Variants in ELAVL1 observed in about 807,000 individuals in gnomAD.
ELAVL1 encodes the protein ELAV-like protein 1.
ELAVL1 carries 1 observed loss-of-function variant against 28.4 expected under a neutral mutation model. The observed-to-expected ratio is 0.04, with a 90% CI of 0.01 to 0.17. The LOEUF is 0.17. ELAVL1 is among the 10% of genes least tolerant of loss of function. The pLI, the probability that ELAVL1 is intolerant of heterozygous loss-of-function variation, is 1.00. For synonymous variants in ELAVL1, 174 were observed against 183.5 expected, an observed-to-expected ratio of 0.95 and a Z score of 0.42; for missense variants, 157 against 447.2, an observed-to-expected ratio of 0.35 and a Z score of 5.85.
At position 7,963,794 on chromosome 19, in the gene ELAVL1, C is replaced by T; in HGVS notation, c.670G>A (p.Gly224Ser). Residue 224 changes from glycine (G) to serine (S), a missense_variant, in exon 6 of 6, where the codon GGC becomes AGC. Around this residue, in one of 4 missense-constraint regions of ELAVL1, gnomAD observed 107 missense variants for 310.4 expected, o/e 0.34. Coordinates refer to ENST00000407627, the MANE Select transcript of ELAVL1 (RefSeq NM_001419.3). The surrounding 1 kb of genome is among the most constrained non-coding windows in gnomAD (Gnocchi z 4.5). ...GAGAGCCCGCTCATGTGATCGACGC[C>T]CATGGGGGAGAACCTGGCAGACAGA... The part of the protein sequence containing the change: ...QAQRFRFSPM[G>S]VDHMSGLSGV... 1 of 1,613,622 alleles carries T rather than the reference C, an allele frequency of 6.2e-7. No homozygotes were observed. Among genetic ancestry groups the T allele is most frequent in the Non-Finnish European group, 8.5e-7 (1 of 1,179,542 alleles).
rs1476581430 is a variant in ELAVL1 at position 7,959,753 on chromosome 19, C to T, written c.*3730G>A. On this transcript the variant is annotated 3_prime_UTR_variant, in exon 6 of 6. Coordinates refer to ENST00000407627, the MANE Select transcript of ELAVL1 (RefSeq NM_001419.3). ...GCCACTTAAAAGAAAGCACTTGTGA[C>T]TTCAGGGCTGTCTTGCGAAGTTTGG... 3 of 152,188 alleles carry T rather than the reference C, an allele frequency of 2.0e-5. No homozygotes were observed. The East Asian group carries it at 5.8e-4, about 29-fold the overall frequency. The allele number at this position is 152,188 out of a possible 1,614,324, so 9.4% of individuals were successfully genotyped here.
At chr19:7,978,325 T>G (rs1464507487) in intron 3 of ELAVL1, among the ~76,000 whole-genome samples, 2 of 152,084 alleles carry the variant, frequency 1.3e-5, no homozygotes, top group Non-Finnish European at 2.9e-5. Context: ...AGACCAAGCA[T>G]GTGACTAGAC....
At chr19:7,983,448 C>T (rs1327958504) in intron 2 of ELAVL1, among the ~76,000 whole-genome samples, 1 of 152,198 alleles carries the variant, frequency 6.6e-6, no homozygotes, top group African/African-American at 2.4e-5. Flanking sequence ...ACTCACTGGA[C>T]ACCACGGGAG....
rs1273893213 is a variant in ELAVL1, at chr19:7,959,611, G to C, written c.*3872C>G. 1 of 152,148 alleles carries C rather than the reference G, an allele frequency of 6.6e-6. No individual in the cohort carries two copies. Among genetic ancestry groups the C allele is most frequent in the Non-Finnish European group, 1.5e-5 (1 of 68,024 alleles). The allele number at this position is 152,148 out of a possible 1,614,324, so 9.4% of individuals were successfully genotyped here. Reference sequence around the variant, plus strand: ...TGAACGATGTCACTGAAAGGTTGTAGAAAAATAGGATCCAGCCATTAGAGG... The same window carrying C: ...TGAACGATGTCACTGAAAGGTTGTACAAAAATAGGATCCAGCCATTAGAGG... On this transcript the variant is annotated 3_prime_UTR_variant, in exon 6 of 6. Transcript: ENST00000407627.
chr19:7,961,552 T>C lies in ELAVL1; in HGVS notation c.*1931A>G, dbSNP rs1984810241. ...CTCTCGGGCAACAGAGCAGGGACCC[T>C]CTTTTGTGTCGAATCCGGGCAATGG... On this transcript the variant is annotated 3_prime_UTR_variant, in exon 6 of 6. Transcript: ENST00000407627. 1.3e-5 allele frequency: 2 copies of C among 152,366 alleles called. No homozygotes were observed. The highest frequency in any genetic ancestry group is 1.9e-4 in the East Asian group (1 of 5,180). The allele number at this position is 152,366 out of a possible 1,614,324, so 9.4% of individuals were successfully genotyped here.
intron 2 of ELAVL1, among the ~76,000 whole-genome samples, chr19:7,989,760 T>C (rs1227985841): frequency 6.6e-6 from 1 of 152,218 alleles, no homozygotes; most frequent in Non-Finnish European, 1.5e-5. Flanking sequence ...GTTTGTATAC[T>C]GTGTAAAATC....
intron 1 of ELAVL1, among the ~76,000 whole-genome samples, chr19:8,000,210 C>T (rs758682252): frequency 3.3e-5 from 5 of 152,182 alleles, no homozygotes; most frequent in South Asian, 2.1e-4. Context: ...TGAGAGTCAC[C>T]GTCGGTGCCT....
At chr19:7,984,045 C>A (rs1985535590) in intron 2 of ELAVL1, among the ~76,000 whole-genome samples, 1 of 152,128 alleles carries the variant, frequency 6.6e-6, no homozygotes, top group Non-Finnish European at 1.5e-5. Context: ...TGAGGACCCA[C>A]CTTTGGCCCT....
At chr19:7,988,635 C>T (rs373940720) in intron 2 of ELAVL1, among the ~76,000 whole-genome samples, 1 of 152,154 alleles carries the variant, frequency 6.6e-6, no homozygotes, top group Non-Finnish European at 1.5e-5. Context: ...GGAGACTCTG[C>T]CTCCCAGGGG....
intron 4 of ELAVL1, chr19:7,973,485 C>T (rs1985181845): frequency 1.8e-6 from 1 of 541,768 alleles, no homozygotes; most frequent in Non-Finnish European, 3.2e-6. Flanking sequence ...CCACCTTGGC[C>T]TCCCAAAGTG....
intron 2 of ELAVL1, among the ~76,000 whole-genome samples, chr19:7,986,581 C>A (rs116643054): frequency 1.3e-5 from 2 of 152,132 alleles, no homozygotes; most frequent in Non-Finnish European, 2.9e-5. Context: ...AGCGAGTTAG[C>A]GACAGGGACC....
Position 7,973,792 on chromosome 19 carries a change from G to T in ELAVL1, c.363C>A (p.Asp121Glu). 1 of 1,614,096 alleles carries T rather than the reference G, an allele frequency of 6.2e-7. No homozygotes were observed. The highest frequency in any genetic ancestry group is 8.5e-7 in the Non-Finnish European group (1 of 1,180,018). The change falls in exon 4 of 6, where the codon GAC becomes GAA. Residue 121 changes from aspartate to glutamate, a missense_variant. Physicochemically the swap from Asp to Glu is conservative, Grantham distance 45 (BLOSUM62 2). This residue lies in a region of ELAVL1 where 107 missense variants were observed against 310.4 expected (regional missense o/e 0.34). Transcript: ENST00000407627. ...CAAACCGAGAGAACATGTCTTCTAC[G>T]TCCTTCTGGGTCATGGTCCGCGGGA... ...SGLPRTMTQK[D>E]VEDMFSRFGR...
At chr19:7,969,798 T>C (rs1183235372) in intron 4 of ELAVL1, among the ~76,000 whole-genome samples, 2 of 151,944 alleles carry the variant, frequency 1.3e-5, no homozygotes, top group East Asian at 3.9e-4. Flanking sequence ...TCTGGGGTTG[T>C]AGAGTGGCTT....
intron 2 of ELAVL1, among the ~76,000 whole-genome samples, chr19:7,984,890 G>A (rs1214862932): frequency 6.6e-6 from 1 of 152,184 alleles, no homozygotes; most frequent in African/African-American, 2.4e-5. Context: ...CTGCCCAGGC[G>A]ACACCCCCAA....
chr19:7,988,245 G>C (rs1204826479), intron 2 of ELAVL1, among the ~76,000 whole-genome samples: 1 of 152,166 alleles, frequency 6.6e-6, no homozygotes, highest in African/African-American at 2.4e-5. Context: ...GGGAGAGTCA[G>C]GTCAGTTAGG....
At chr19:7,977,955 C>T (rs545500812) in intron 3 of ELAVL1, among the ~76,000 whole-genome samples, 2 of 152,380 alleles carry the variant, frequency 1.3e-5, no homozygotes, top group South Asian at 4.1e-4. Context: ...CCCTCATCTC[C>T]ACCCTGGTCT....
At chr19:7,999,368 C>T (rs2081059820) in intron 1 of ELAVL1, among the ~76,000 whole-genome samples, 1 of 152,050 alleles carries the variant, frequency 6.6e-6, no homozygotes, top group African/African-American at 2.4e-5. Context: ...GTGAGACTGT[C>T]TCAAAAAAAT....
At chr19:7,976,401 CAA>C (rs879778388) in intron 3 of ELAVL1, among the ~76,000 whole-genome samples, 3 of 132,802 alleles carry the variant, frequency 2.3e-5, no homozygotes, top group East Asian at 2.1e-4. Context: ...GACTCCATCT[CAA>C]AAAAAAAAAA....
rs957025186 is a variant in ELAVL1, at chr19:7,959,989, A to C, written c.*3494T>G. ...GGAAGGCTGCGAAAAGCACATGGAA[A>C]TAAAAGGGGGCTGAATCGGATGTGA... On this transcript the variant is annotated 3_prime_UTR_variant, in exon 6 of 6. Coordinates refer to ENST00000407627, the MANE Select transcript of ELAVL1 (RefSeq NM_001419.3). The C allele has an allele frequency of 6.6e-6, 1 of 152,204 alleles. No homozygotes were observed. The highest frequency in any genetic ancestry group is 1.5e-5 in the Non-Finnish European group (1 of 68,030). The allele number at this position is 152,204 out of a possible 1,614,324, so 9.4% of individuals were successfully genotyped here. A position where few individuals can be genotyped will look rare whatever the true frequency, so the allele number is the denominator to read the frequency against.
Sources: allele counts gnomAD v4.1 joint callset (sites outside exome capture counted in the v4.1 genomes callset), GRCh38; gene constraint gnomAD v4.1.1; regional missense constraint gnomAD v4.1.1; non-coding constraint Gnocchi (gnomAD v3.1); transcripts MANE v1.5; gene names NCBI Gene and HGNC (gene_info 2026-07-23, HGNC 2026-07-21).